SMC1B: variants seen among roughly 807,000 people sequenced by gnomAD.
SMC1B encodes structural maintenance of chromosomes protein 1B.
In SMC1B, 60 loss-of-function variants were observed where a neutral mutation model predicts 157.9. That is an observed-to-expected ratio of 0.38 (90% confidence interval 0.31 to 0.47). The LOEUF is 0.47. SMC1B is among the 20% of genes least tolerant of loss of function. The pLI is 0.99. For missense variants in SMC1B, 1,165 were observed against 1,426.2 expected (o/e 0.82, Z 2.95); for synonymous variants, 445 against 483.0 (o/e 0.92, Z 1.03).
chr22:45,369,120 C>T (rs1402391410), intron 15 of SMC1B, among the ~76,000 whole-genome samples: 2 of 150,770 alleles, frequency 1.3e-5, no homozygotes, highest in East Asian at 1.9e-4. Flanking sequence ...TTTTTTGAGA[C>T]GGAATCTTGC....
At position 45,406,489 on chromosome 22, in the gene SMC1B, G is replaced by A. The variant is rs375426029; in HGVS notation, c.586C>T (p.Arg196Cys). ...FNKKKNIAAE[R>C]RQAKLEKEEA... ...TCCTTCTCTAATTTTGCTTGTCTGC[G>A]CTCTGCCGCTATATTTTTTTTCTTA... Residue 196 changes from arginine (R) to cysteine (C), a missense_variant, in exon 4 of 25, where the codon CGC becomes TGC. Arg to Cys is a radical substitution (Grantham distance 180). Coordinates refer to ENST00000357450, the MANE Select transcript of SMC1B (RefSeq NM_148674.5). 5.0e-6 allele frequency: 8 copies of A among 1,611,418 alleles called. No individual in the cohort carries two copies. Among genetic ancestry groups the A allele is most frequent in the African/African-American group, 4.0e-5 (3 of 74,670 alleles).
At chr22:45,353,252 ACT>A (rs1245040217) in intron 21 of SMC1B, among the ~76,000 whole-genome samples, 1 of 131,010 alleles carries the variant, frequency 7.6e-6, no homozygotes, top group Non-Finnish European at 1.6e-5. Context: ...ACAGAGGGAA[ACT>A]CTGTCTCAAA....
At position 45,349,801 on chromosome 22, in the gene SMC1B, GA is replaced by G; in HGVS notation, c.3426-5del. ...AAAGAATGGGGCAGGACGAAAACTA[GA>G]AAAAAATTACAATCAAGTAAGTTAC... On this transcript the variant is annotated splice_polypyrimidine_tract_variant and splice_region_variant and intron_variant, in intron 22 of 24. Coordinates refer to ENST00000357450, the MANE Select transcript of SMC1B (RefSeq NM_148674.5). The G allele has an allele frequency of 6.2e-7, 1 of 1,603,200 alleles. No homozygotes were observed. Among genetic ancestry groups the G allele is most frequent in the Non-Finnish European group, 8.5e-7 (1 of 1,175,938 alleles).
At chr22:45,356,756 GTCTT>G (rs768854327) in intron 19 of SMC1B, among the ~76,000 whole-genome samples, 73 of 139,226 alleles carry the variant, frequency 5.2e-4, no homozygotes, top group Non-Finnish European at 8.6e-4. Flanking sequence ...TTGAGACAGA[GTCTT>G]TCTCTGTCAC....
chr22:45,394,415 T>A (rs2087098734), intron 8 of SMC1B, among the ~76,000 whole-genome samples: 1 of 151,618 alleles, frequency 6.6e-6, no homozygotes. Flanking sequence ...CCGAGGAGGG[T>A]GGATTGCTTG....
chr22:45,380,148 C>T (rs1440732822), intron 12 of SMC1B, among the ~76,000 whole-genome samples: 1 of 152,166 alleles, frequency 6.6e-6, no homozygotes, highest in Non-Finnish European at 1.5e-5. Flanking sequence ...TTGTAGTCCT[C>T]TTCCTTTTAG....
At chr22:45,371,676 A>T in intron 13 of SMC1B, 89 bp from the exon 14 acceptor site, 1 of 1,439,094 alleles carries the variant, frequency 6.9e-7, no homozygotes, top group Non-Finnish European at 9.3e-7. Flanking sequence ...TTTTGGAATA[A>T]AAGAAGAATC....
chr22:45,356,823 A>T (rs1241712495), intron 19 of SMC1B, among the ~76,000 whole-genome samples: 5 of 143,598 alleles, frequency 3.5e-5, no homozygotes, highest in African/African-American at 1.3e-4. Context: ...TCCACATCCC[A>T]GGCTCAAGCA....
intron 20 of SMC1B, among the ~76,000 whole-genome samples, chr22:45,354,644 G>A (rs2086652598): frequency 6.6e-6 from 1 of 152,088 alleles, no homozygotes; most frequent in Non-Finnish European, 1.5e-5. Flanking sequence ...GCCCACCTCA[G>A]CCTCCCAAAG....
At chr22:45,385,030 A>G (rs2086976469) in intron 11 of SMC1B, among the ~76,000 whole-genome samples, 1 of 152,160 alleles carries the variant, frequency 6.6e-6, no homozygotes, top group Non-Finnish European at 1.5e-5. Context: ...AGATCTTTTT[A>G]TAATATATAT....
At chr22:45,404,625 C>T (rs2087236951) in intron 4 of SMC1B, among the ~76,000 whole-genome samples, 1 of 152,188 alleles carries the variant, frequency 6.6e-6, no homozygotes, top group African/African-American at 2.4e-5. Context: ...CTATTGATTC[C>T]AGGTCTTTAG....
At chr22:45,413,419 G>A (rs1222264060) in intron 1 of SMC1B, 40 bp downstream of exon 1, 1 of 1,503,910 alleles carries the variant, frequency 6.6e-7, no homozygotes, top group Non-Finnish European at 9.1e-7. Context: ...CGCCTGGGAC[G>A]GCGGAGGCGC....
In SMC1B at chr22:45,386,886, C is replaced by T; in HGVS notation, c.1892G>A (p.Ser631Asn). Residue 631 changes from serine to asparagine, a missense_variant, in exon 11 of 25, where the codon AGT becomes AAT. Transcript: ENST00000357450. ...TCTTACTTTCTGTCTTTCAGGTCCA[C>T]TGAGTGCAATATGCCTTGCTTCTTC... is the stretch of plus-strand genomic sequence containing the variant. ...TMEEARHIALSGPERQKTVAL... is the reference protein window; with the variant it reads ...TMEEARHIALNGPERQKTVAL... 6.2e-7 allele frequency: 1 copy of T among 1,613,686 alleles called. No individual in the cohort carries two copies. The highest frequency in any genetic ancestry group is 8.5e-7 in the Non-Finnish European group (1 of 1,179,756).
chr22:45,355,610 C>T (rs1249661720), intron 19 of SMC1B, among the ~76,000 whole-genome samples: 4 of 152,042 alleles, frequency 2.6e-5, no homozygotes, highest in Non-Finnish European at 4.4e-5. Context: ...GCTTTTACAG[C>T]GAAGTGAAAA....
chr22:45,360,471 A>T lies in SMC1B; in HGVS notation c.2709-513T>A, dbSNP rs550873164. On this transcript the variant is annotated intron_variant, in intron 17 of 24. Coordinates refer to ENST00000357450, the MANE Select transcript of SMC1B (RefSeq NM_148674.5). The stretch of plus-strand genomic sequence containing the variant: ...AAAATGGAAAAAAAAAGAAAGAAAG[A>T]AGAAAGTAAGAACTATGTGTTTTTC... Among the ~76,000 whole-genome samples the T allele has an allele frequency of 2.0e-5, 3 of 152,334 alleles. No individual in the cohort carries two copies. In the South Asian group the frequency reaches 6.2e-4, roughly 32 times the overall value.
chr22:45,392,646 T>G (rs2087073601), intron 9 of SMC1B, among the ~76,000 whole-genome samples: 1 of 152,066 alleles, frequency 6.6e-6, no homozygotes, highest in African/African-American at 2.4e-5. Flanking sequence ...TGAAGATGGG[T>G]GGCCAGAGAC....
At chr22:45,353,449 AT>A (rs2086635206) in intron 21 of SMC1B, among the ~76,000 whole-genome samples, 1 of 152,188 alleles carries the variant, frequency 6.6e-6, no homozygotes. Context: ...CTACATCTTC[AT>A]TTCACATTCA....
rs1267171031 is a variant in SMC1B, at chr22:45,354,829, C to T, written c.3118+130G>A. ...TTAATGATTCAGTATTAAAAGCACACATTAATATAAGACCACAGAGGAAAA... is the reference window on the plus strand; with the variant it reads ...TTAATGATTCAGTATTAAAAGCACATATTAATATAAGACCACAGAGGAAAA... On this transcript the variant is annotated intron_variant, in intron 20 of 24. Transcript: ENST00000357450. The T allele has an allele frequency of 6.7e-6, 5 of 750,980 alleles. No homozygotes were observed. The Admixed American group carries it at 7.8e-5, about 12-fold the overall frequency. The allele number at this position is 750,980 out of a possible 1,614,324, so 46.5% of individuals were successfully genotyped here.
chr22:45,396,465 T>G lies in SMC1B; in HGVS notation c.1135A>C (p.Lys379Gln), dbSNP rs1374477891. 1.9e-6 allele frequency: 3 copies of G among 1,613,072 alleles called. No individual in the cohort carries two copies. The highest frequency in any genetic ancestry group is 1.7e-6 in the Non-Finnish European group (2 of 1,179,634). The change falls in exon 7 of 25, where the codon AAG becomes CAG. Residue 379 changes from lysine (K) to glutamine (Q), a missense_variant. Lys to Gln is a moderately conservative substitution (Grantham distance 53, BLOSUM62 1). Transcript: ENST00000357450. ...ASQLDRYKEL[K>Q]EQVRKKVATM... ...GCTACTTTCTTTCTTACTTGTTCCT[T>G]AAGTTCTTTATAACGATCCAGCTGC... is the stretch of plus-strand genomic sequence containing the variant.
Sources: allele counts gnomAD v4.1 joint callset (sites outside exome capture counted in the v4.1 genomes callset), GRCh38; gene constraint gnomAD v4.1.1; transcripts MANE v1.5; gene names NCBI Gene and HGNC (gene_info 2026-07-23, HGNC 2026-07-21).